Variants in NAPEPLD observed in about 807,000 individuals in gnomAD.
NAPEPLD encodes N-acyl phosphatidylethanolamine phospholipase D.
A neutral mutation model predicts 38.1 loss-of-function variants in NAPEPLD; 23 were observed. The observed-to-expected ratio is 0.60, with a 90% CI of 0.43 to 0.86. The LOEUF is 0.86. Among genes scored for constraint, NAPEPLD ranks in the 40% least tolerant of loss-of-function variants. The probability of loss-of-function intolerance (pLI) is 0.00; values close to 1 mark genes in which losing one functional copy is unlikely to be tolerated. For missense variants in NAPEPLD, 411 were observed against 476.8 expected, an observed-to-expected ratio of 0.86 and a Z score of 1.28; for synonymous variants, 147 against 162.0, an observed-to-expected ratio of 0.91 and a Z score of 0.71.
intron 1 of NAPEPLD, among the ~76,000 whole-genome samples, chr7:103,139,198 G>A (rs960943185): frequency 1.3e-5 from 2 of 152,156 alleles, no homozygotes; most frequent in Non-Finnish European, 2.9e-5. Context: ...TTACCTGTAA[G>A]GGCTTCTACT....
chr7:103,130,832 A>G (rs546484601), intron 1 of NAPEPLD, among the ~76,000 whole-genome samples: 2 of 152,228 alleles, frequency 1.3e-5, no homozygotes, highest in South Asian at 4.2e-4. Context: ...CCTGGGCTCA[A>G]GCAATCTGCT....
intron 1 of NAPEPLD, among the ~76,000 whole-genome samples, chr7:103,135,789 G>A (rs1364062604): frequency 6.6e-6 from 1 of 151,864 alleles, no homozygotes; most frequent in Non-Finnish European, 1.5e-5. Context: ...CACTAGAGTG[G>A]AAAGAACACT....
rs1804830509 is a variant in NAPEPLD at position 103,112,978 on chromosome 7, C to A, written c.1056+2082G>T. On this transcript the variant is annotated intron_variant, in intron 4 of 4. Coordinates refer to ENST00000465647, the MANE Select transcript of NAPEPLD (RefSeq NM_001122838.3). ...GAAGGCTGAATAACACAATAATTCT[C>A]AAAGACAGGATTTTTTAATCCTCTC... 2.6e-5 allele frequency among the ~76,000 whole-genome samples: 4 copies of A among 152,168 alleles called. No homozygotes were observed. In the South Asian group the frequency reaches 8.3e-4, roughly 32 times the overall value.
chr7:103,122,112 T>C (rs1585857832), intron 2 of NAPEPLD, among the ~76,000 whole-genome samples: 1 of 152,096 alleles, frequency 6.6e-6, no homozygotes, highest in African/African-American at 2.4e-5. Flanking sequence ...CTTTTTTTTT[T>C]TTTTTGTAGA....
At chr7:103,140,269 C>T (rs528440770) in intron 1 of NAPEPLD, among the ~76,000 whole-genome samples, 4 of 151,526 alleles carry the variant, frequency 2.6e-5, no homozygotes, top group Non-Finnish European at 5.9e-5. Context: ...CATTTCTACA[C>T]TAATGTGATA....
At chr7:103,107,610 G>GT (rs1199795978) in intron 4 of NAPEPLD, among the ~76,000 whole-genome samples, 1 of 151,950 alleles carries the variant, frequency 6.6e-6, no homozygotes, top group Non-Finnish European at 1.5e-5. Flanking sequence ...AGCATACACA[G>GT]TATCAATAGC....
chr7:103,128,465 A>G lies in NAPEPLD; in HGVS notation c.294+18T>C. The G allele has an allele frequency of 6.2e-7, 1 of 1,611,714 alleles. No homozygotes were observed. Among genetic ancestry groups the G allele is most frequent in the Non-Finnish European group, 8.5e-7 (1 of 1,179,294 alleles). The stretch of plus-strand genomic sequence containing the variant: ...TATGAAGAGCAAATATAAAGCACTC[A>G]AAAAAGCCAAGCGCTACCTCTTTAG... On this transcript the variant is annotated intron_variant, in intron 2 of 4. Coordinates refer to ENST00000465647, the MANE Select transcript of NAPEPLD (RefSeq NM_001122838.3).
intron 4 of NAPEPLD, among the ~76,000 whole-genome samples, chr7:103,112,275 A>G (rs899737807): frequency 1.3e-5 from 2 of 152,216 alleles, no homozygotes; most frequent in Non-Finnish European, 2.9e-5. Flanking sequence ...AGGATTATAA[A>G]TCATTCTACT....
chr7:103,106,461 G>C (rs943798777), intron 4 of NAPEPLD, among the ~76,000 whole-genome samples: 1 of 152,048 alleles, frequency 6.6e-6, no homozygotes, highest in Non-Finnish European at 1.5e-5. Context: ...GGCTCAGCGG[G>C]GCCCACCCCC....
intron 1 of NAPEPLD, among the ~76,000 whole-genome samples, chr7:103,146,743 C>T (rs902528471): frequency 2.0e-5 from 3 of 152,112 alleles, no homozygotes; most frequent in South Asian, 2.1e-4. Flanking sequence ...TAATCCACAC[C>T]CCTCCACTTT....
At chr7:103,117,363 T>C (rs775599704) in intron 3 of NAPEPLD, among the ~76,000 whole-genome samples, 3 of 152,196 alleles carry the variant, frequency 2.0e-5, no homozygotes, top group Non-Finnish European at 4.4e-5. Flanking sequence ...TTGGTGTTTC[T>C]CTCTTGATTT....
intron 4 of NAPEPLD, among the ~76,000 whole-genome samples, chr7:103,108,864 C>G (rs1371523931): frequency 1.3e-5 from 2 of 152,136 alleles, no homozygotes; most frequent in Admixed American, 6.6e-5. Flanking sequence ...TGCAAAGACA[C>G]ACATAGGCTC....
At chr7:103,132,949 A>G (rs543061836) in intron 1 of NAPEPLD, among the ~76,000 whole-genome samples, 72 of 152,352 alleles carry the variant, frequency 4.7e-4, no homozygotes, top group Non-Finnish European at 7.9e-4. Context: ...CAATCTGTGG[A>G]AACAGGTCTC....
At chr7:103,141,305 T>G (rs1327308891) in intron 1 of NAPEPLD, 1 of 528,828 alleles carries the variant, frequency 1.9e-6, no homozygotes, top group Non-Finnish European at 3.5e-6. Flanking sequence ...ATGGCTGATC[T>G]ATGTAATCAC....
rs537817084 is a variant in NAPEPLD at position 103,106,358 on chromosome 7, T to C, written c.1057-2804A>G. On this transcript the variant is annotated intron_variant, in intron 4 of 4. Coordinates refer to ENST00000465647, the MANE Select transcript of NAPEPLD (RefSeq NM_001122838.3). ...CAAACTAGCTGCGGGAGCTTTTTTT[T>C]TTTTTCATACCCCAGTGGCACCTGT... is the stretch of plus-strand genomic sequence containing the variant. Among the ~76,000 whole-genome samples, 729 of 151,950 alleles carry C rather than the reference T, an allele frequency of 4.8e-3. 6 individuals carry two copies. The highest frequency in any genetic ancestry group is 0.017 in the African/African-American group (690 of 41,472).
intron 1 of NAPEPLD, chr7:103,141,445 C>T: frequency 1.0e-6 from 1 of 955,164 alleles, no homozygotes; most frequent in Non-Finnish European, 1.7e-6. Flanking sequence ...CTTCCTTGGT[C>T]TTAGATCTGC....
chr7:103,147,631 A>G (rs931960814), intron 1 of NAPEPLD, among the ~76,000 whole-genome samples: 1 of 152,232 alleles, frequency 6.6e-6, no homozygotes, highest in African/African-American at 2.4e-5. Flanking sequence ...GAATGACTGT[A>G]TCAACTAAAG....
At chr7:103,120,580 T>C (rs1209043586) in intron 2 of NAPEPLD, among the ~76,000 whole-genome samples, 1 of 151,580 alleles carries the variant, frequency 6.6e-6, no homozygotes, top group Non-Finnish European at 1.5e-5. Flanking sequence ...ACTCAGCTGA[T>C]GTATTTGCTG....
chr7:103,119,928 A>C lies in NAPEPLD; in HGVS notation c.590T>G (p.Ile197Ser). ...ATTACCAAATCGCTCATTCAAAGCA[A>C]TGACAGAATTGTAGTCCAGATGGTC... ...HYDHLDYNSVIALNERFGNEL... is the reference protein window; with the variant it reads ...HYDHLDYNSVSALNERFGNEL... The change falls in exon 3 of 5, where the codon ATT (isoleucine) becomes AGT (serine). Residue 197 changes from isoleucine (I) to serine (S), a missense_variant. Transcript: ENST00000465647. 6.2e-7 allele frequency: 1 copy of C among 1,614,250 alleles called. No individual in the cohort carries two copies. The highest frequency in any genetic ancestry group is 1.7e-5 in the Admixed American group (1 of 60,034).
Sources: allele counts gnomAD v4.1 joint callset (sites outside exome capture counted in the v4.1 genomes callset), GRCh38; gene constraint gnomAD v4.1.1; transcripts MANE v1.5; gene names NCBI Gene and HGNC (gene_info 2026-07-23, HGNC 2026-07-21).